Variants in SIRT6 observed in about 807,000 individuals in gnomAD.
SIRT6 encodes the protein NAD-dependent protein deacylase sirtuin-6.
In SIRT6, 21 loss-of-function variants were observed where a neutral mutation model predicts 33.6. That is an observed-to-expected ratio of 0.62 (90% CI 0.44 to 0.90). The LOEUF (loss-of-function observed/expected upper bound fraction) is 0.90. Ranked by LOEUF, SIRT6 falls within the 40% of genes least tolerant of loss-of-function variation. The pLI is 0.00. For missense variants in SIRT6, 504 were observed against 510.6 expected (o/e 0.99, Z 0.12); for synonymous variants, 221 against 223.9 (o/e 0.99, Z 0.12).
rs574072557 is a variant in SIRT6 at position 4,174,369 on chromosome 19, C to T, written c.*248G>A. ...CCAGCCTCACCTCTGGACAACACAGCAAGTCAGAGGCTGGGGTGTGGCAGG... is the reference window on the plus strand; with the variant it reads ...CCAGCCTCACCTCTGGACAACACAGTAAGTCAGAGGCTGGGGTGTGGCAGG... On this transcript the variant is annotated 3_prime_UTR_variant, in exon 8 of 8. Coordinates refer to ENST00000337491, the MANE Select transcript of SIRT6 (RefSeq NM_016539.4). This position sits in a 1 kb window ranked among gnomAD's most constrained non-coding sequence, Gnocchi z 4.2. 2.3e-5 allele frequency: 9 copies of T among 390,374 alleles called. No individual in the cohort carries two copies. In the East Asian group the frequency reaches 2.4e-4, roughly 10 times the overall value. 24.2% of individuals were successfully genotyped at this position (390,374 alleles called of 1,614,324 possible). A position where few individuals can be genotyped will look rare whatever the true frequency, so the allele number is the denominator to read the frequency against.
At chr19:4,177,296 C>G (rs1967364629) in intron 3 of SIRT6, among the ~76,000 whole-genome samples, 158 bp from the exon 4 acceptor site, 1 of 152,038 alleles carries the variant, frequency 6.6e-6, no homozygotes, top group Non-Finnish European at 1.5e-5. Context: ...TAGCTCCTGG[C>G]TCCACCATTC....
chr19:4,175,023 C>A lies in SIRT6; in HGVS notation c.738+5G>T. ...CCCTGGGCAGGGGTAGGCTCAGACA[C>A]CTACGTGCTTGGTGGGCTGCAGGTT... On this transcript the variant is annotated splice_donor_5th_base_variant and intron_variant, in intron 7 of 7. Coordinates refer to ENST00000337491, the MANE Select transcript of SIRT6 (RefSeq NM_016539.4). 6.3e-7 allele frequency: 1 copy of A among 1,598,506 alleles called. No homozygotes were observed. The highest frequency in any genetic ancestry group is 1.1e-5 in the South Asian group (1 of 89,244).
At position 4,182,493 on chromosome 19, in the gene SIRT6, C is replaced by A; in HGVS notation, c.47G>T (p.Gly16Val). 6.2e-7 allele frequency: 1 copy of A among 1,611,384 alleles called. No individual in the cohort carries two copies. The highest frequency in any genetic ancestry group is 8.5e-7 in the Non-Finnish European group (1 of 1,179,108). ...GCTCACCTCCGGGAGGCCGCACTTG[C>A]CCTTGTCCGCGTACGGCGACAGCCC... ...AAGLSPYADK[G>V]KCGLPEIFDP... Residue 16 changes from glycine (G) to valine (V), a missense_variant, in exon 1 of 8, where the codon GGC becomes GTC. Coordinates refer to ENST00000337491, the MANE Select transcript of SIRT6 (RefSeq NM_016539.4).
At chr19:4,177,203 C>A (rs765308034) in intron 3 of SIRT6, 65 bp from the exon 4 acceptor site, 8 of 1,538,962 alleles carry the variant, frequency 5.2e-6, no homozygotes, top group Non-Finnish European at 7.2e-6. Context: ...GGCTTTGGAG[C>A]TGGTGCTAAG....
At chr19:4,178,080 G>T (rs1262052415) in intron 3 of SIRT6, among the ~76,000 whole-genome samples, 1 of 148,948 alleles carries the variant, frequency 6.7e-6, no homozygotes, top group Admixed American at 6.7e-5. Flanking sequence ...AAGCTGGAGT[G>T]CAGTGGCGCC....
At position 4,174,533 on chromosome 19, in the gene SIRT6, C is replaced by T; in HGVS notation, c.*84G>A. On this transcript the variant is annotated 3_prime_UTR_variant, in exon 8 of 8. Coordinates refer to ENST00000337491, the MANE Select transcript of SIRT6 (RefSeq NM_016539.4). This position sits in a 1 kb window ranked among gnomAD's most constrained non-coding sequence, Gnocchi z 4.2. Reference sequence around the variant, plus strand: ...CTCAGAGCCCTGAGGCTCCCGGGGACAGAAACAAGTAACAAAGTGAGACCA... The same window carrying T: ...CTCAGAGCCCTGAGGCTCCCGGGGATAGAAACAAGTAACAAAGTGAGACCA... 7.9e-7 allele frequency: 1 copy of T among 1,272,220 alleles called. No individual in the cohort carries two copies. 78.8% of individuals were successfully genotyped at this position (1,272,220 alleles called of 1,614,324 possible).
chr19:4,177,997 C>G (rs1339111496), intron 3 of SIRT6, among the ~76,000 whole-genome samples: 1 of 148,690 alleles, frequency 6.7e-6, no homozygotes, highest in Non-Finnish European at 1.5e-5. Flanking sequence ...TGCTGAGATT[C>G]CAGGCATAAG....
In SIRT6 at chr19:4,174,958, C is replaced by T. The variant is rs763468816; in HGVS notation, c.739-12G>A. ...TCAGCATGGCGGTCCTGCCGAGGGGCGGGACGGGTCAGGCGTGGGGGACAG... is the reference window on the plus strand; with the variant it reads ...TCAGCATGGCGGTCCTGCCGAGGGGTGGGACGGGTCAGGCGTGGGGGACAG... On this transcript the variant is annotated splice_polypyrimidine_tract_variant and intron_variant, in intron 7 of 7. Coordinates refer to ENST00000337491, the MANE Select transcript of SIRT6 (RefSeq NM_016539.4). The surrounding 1 kb of genome is among the most constrained non-coding windows in gnomAD (Gnocchi z 4.2). The T allele has an allele frequency of 6.2e-6, 10 of 1,609,224 alleles. No individual in the cohort carries two copies. The Middle Eastern group carries it at 1.2e-3, about 186-fold the overall frequency.
In SIRT6 at chr19:4,174,734, C is replaced by A; in HGVS notation, c.951G>T (p.Gln317His). The change falls in exon 8 of 8, where the codon CAG becomes CAT. Residue 317 changes from glutamine (Q) to histidine (H), a missense_variant. Physicochemically the swap from Gln to His is conservative, Grantham distance 24. Coordinates refer to ENST00000337491, the MANE Select transcript of SIRT6 (RefSeq NM_016539.4). The surrounding 1 kb of genome is among the most constrained non-coding windows in gnomAD (Gnocchi z 4.2). ...INGSIPAGPK[Q>H]EPCAQHNGSE... ...AGCCGTTGTGCTGGGCGCAGGGCTC[C>A]TGCTTGGGGCCGGCGGGGATAGAGC... The A allele has an allele frequency of 7.0e-7, 1 of 1,433,632 alleles. No individual in the cohort carries two copies. Among genetic ancestry groups the A allele is most frequent in the South Asian group, 1.4e-5 (1 of 72,630 alleles). The allele number at this position is 1,433,632 out of a possible 1,614,324, so 88.8% of individuals were successfully genotyped here.
In SIRT6 at chr19:4,174,505, G is replaced by T; in HGVS notation, c.*112C>A. On this transcript the variant is annotated 3_prime_UTR_variant, in exon 8 of 8. Transcript: ENST00000337491. The surrounding 1 kb of genome is among the most constrained non-coding windows in gnomAD (Gnocchi z 4.2). ...GGTGTAACCCCTGGCCTGGAGCACA[G>T]CTCTCAGAGCCCTGAGGCTCCCGGG... is the stretch of plus-strand genomic sequence containing the variant. 9.7e-7 allele frequency: 1 copy of T among 1,032,998 alleles called. No homozygotes were observed. Among genetic ancestry groups the T allele is most frequent in the Non-Finnish European group, 1.3e-6 (1 of 758,902 alleles). 64.0% of individuals were successfully genotyped at this position (1,032,998 alleles called of 1,614,324 possible).
chr19:4,178,202 C>T (rs556124249), intron 3 of SIRT6, among the ~76,000 whole-genome samples: 2 of 151,198 alleles, frequency 1.3e-5, no homozygotes, highest in East Asian at 4.0e-4. Flanking sequence ...AATTTTTGTA[C>T]TCTTAGTAGA....
rs1967257332 is a variant in SIRT6 at position 4,175,727 on chromosome 19, C to T, written c.567G>A (p.Glu189=). ...CCAGGTCCCGGTCGGGCAGGGAGTC[C>T]TCCCAGTCTAGGATGGTGTCCCTCA... is the stretch of plus-strand genomic sequence containing the variant. The part of the protein sequence containing the change: ...GELRDTILDW[E]DSLPDRDLAL... The change falls in exon 6 of 8, where the codon GAG becomes GAA. Residue 189 remains glutamate (E), a synonymous_variant. Coordinates refer to ENST00000337491, the MANE Select transcript of SIRT6 (RefSeq NM_016539.4). 3 of 1,586,630 alleles carry T rather than the reference C, an allele frequency of 1.9e-6. No individual in the cohort carries two copies. In the African/African-American group the frequency reaches 4.0e-5, roughly 21 times the overall value.
In SIRT6 at chr19:4,175,723, A is replaced by G. The variant is rs553927876; in HGVS notation, c.571T>C (p.Ser191Pro). The G allele has an allele frequency of 6.3e-7, 1 of 1,585,826 alleles. No homozygotes were observed. Among genetic ancestry groups the G allele is most frequent in the East Asian group, 2.3e-5 (1 of 43,730 alleles). The change falls in exon 6 of 8, where the codon TCC becomes CCC. Residue 191 changes from serine to proline, a missense_variant. Physicochemically the swap from Ser to Pro is moderately conservative, Grantham distance 74. Coordinates refer to ENST00000337491, the MANE Select transcript of SIRT6 (RefSeq NM_016539.4). ...AGTGCCAGGTCCCGGTCGGGCAGGG[A>G]GTCCTCCCAGTCTAGGATGGTGTCC... ...LRDTILDWED[S>P]LPDRDLALAD...
chr19:4,174,293 C>G lies in SIRT6; in HGVS notation c.*324G>C. The G allele has an allele frequency of 4.3e-6, 1 of 231,966 alleles. No homozygotes were observed. The highest frequency in any genetic ancestry group is 8.3e-6 in the Non-Finnish European group (1 of 120,310). The allele number at this position is 231,966 out of a possible 1,614,324, so 14.4% of individuals were successfully genotyped here. On this transcript the variant is annotated 3_prime_UTR_variant, in exon 8 of 8. Transcript: ENST00000337491. The surrounding 1 kb of genome is among the most constrained non-coding windows in gnomAD (Gnocchi z 4.2). ...GCTGTAGGGGGCCCAGAAGGGAGGC[C>G]CTGGGGACAGAGGGAGTTCACTCCT...
In SIRT6 at chr19:4,179,139, G is replaced by A. The variant is rs201561008; in HGVS notation, c.342C>T (p.Asn114=). The change falls in exon 3 of 8, where the codon AAC becomes AAT. Residue 114 remains asparagine (N), a synonymous_variant. Transcript: ENST00000337491. ...VGLLRFLVSQ[N]VDGLHVRSGF... Reference sequence around the variant, plus strand: ...CTGAGCGCACATGGAGCCCGTCCACGTTCTGGCTGACCAGGAAGCGGAGGA... The same window carrying A: ...CTGAGCGCACATGGAGCCCGTCCACATTCTGGCTGACCAGGAAGCGGAGGA... 3.1e-6 allele frequency: 5 copies of A among 1,612,616 alleles called. No individual in the cohort carries two copies. Among genetic ancestry groups the A allele is most frequent in the East Asian group, 2.2e-5 (1 of 44,870 alleles).
At position 4,174,953 on chromosome 19, in the gene SIRT6, A is replaced by G. The variant is rs350845; in HGVS notation, c.739-7T>C. ...GGAGGTCAGCATGGCGGTCCTGCCGAGGGGCGGGACGGGTCAGGCGTGGGG... is the reference window on the plus strand; with the variant it reads ...GGAGGTCAGCATGGCGGTCCTGCCGGGGGGCGGGACGGGTCAGGCGTGGGG... On this transcript the variant is annotated splice_region_variant and splice_polypyrimidine_tract_variant and intron_variant, in intron 7 of 7. Transcript: ENST00000337491. The surrounding 1 kb of genome is among the most constrained non-coding windows in gnomAD (Gnocchi z 4.2). 0.88 allele frequency: 1,409,178 copies of G among 1,609,346 alleles called. 618,880 individuals are homozygous for G. Among genetic ancestry groups the G allele is most frequent in the African/African-American group, 0.96 (71,775 of 74,986 alleles).
rs1192567764 is a variant in SIRT6, at chr19:4,182,503, C to T, written c.37G>A (p.Ala13Thr). 2 of 1,611,518 alleles carry T rather than the reference C, an allele frequency of 1.2e-6. No individual in the cohort carries two copies. The highest frequency in any genetic ancestry group is 1.7e-6 in the Non-Finnish European group (2 of 1,179,168). The change falls in exon 1 of 8, where the codon GCG (alanine) becomes ACG (threonine). Residue 13 changes from alanine to threonine, a missense_variant. Physicochemically the swap from Ala to Thr is moderately conservative, Grantham distance 58 (BLOSUM62 0). Coordinates refer to ENST00000337491, the MANE Select transcript of SIRT6 (RefSeq NM_016539.4). ...VNYAAGLSPY[A>T]DKGKCGLPEI... is the part of the protein sequence containing the mutation. ...GGGAGGCCGCACTTGCCCTTGTCCG[C>T]GTACGGCGACAGCCCCGCCGCGTAA... is the stretch of plus-strand genomic sequence containing the variant.
intron 2 of SIRT6, among the ~76,000 whole-genome samples, chr19:4,180,193 C>G (rs1024463970): frequency 1.3e-5 from 2 of 149,490 alleles, no homozygotes; most frequent in African/African-American, 4.9e-5. Flanking sequence ...CAACCTCTGC[C>G]TCCCGGGTTC....
At chr19:4,178,087 C>T (rs1487288249) in intron 3 of SIRT6, among the ~76,000 whole-genome samples, 7 of 150,992 alleles carry the variant, frequency 4.6e-5, no homozygotes, top group African/African-American at 1.2e-4. Flanking sequence ...AGTGCAGTGG[C>T]GCCATCTCGG....
Sources: gnomAD v4.1 joint callset for allele counts (sites outside exome capture counted in the v4.1 genomes callset) on GRCh38, gnomAD v4.1.1 for gene constraint, Gnocchi (gnomAD v3.1) non-coding constraint, MANE v1.5 for transcripts, NCBI Gene and HGNC (gene_info 2026-07-23, HGNC 2026-07-21) for gene names.